The following ZFHX3 variants were observed in gnomAD, a reference collection of about 807,000 sequenced individuals.
ZFHX3 encodes the protein zinc finger homeobox 3.
ZFHX3 carries 42 observed loss-of-function variants against 279.1 expected under a neutral mutation model. The ratio of observed to expected loss-of-function variants is 0.15; its 90% CI spans 0.12 to 0.19. The LOEUF (loss-of-function observed/expected upper bound fraction) is 0.19. Among genes scored for constraint, ZFHX3 ranks in the 10% least tolerant of loss-of-function variants. The pLI, the probability that ZFHX3 is intolerant of heterozygous loss-of-function variation, is 1.00. For missense variants in ZFHX3, 4,981 were observed against 4,754.0 expected (o/e 1.05, Z -1.40); for synonymous variants, 2,293 against 1,957.8 (o/e 1.17, Z -4.52).
chr16:73,754,663 C>T (rs1415074988), intron 1 of ZFHX3, among the ~76,000 whole-genome samples: 1 of 152,180 alleles, frequency 6.6e-6, no homozygotes, highest in Non-Finnish European at 1.5e-5. Context: ...CAGACCTTTA[C>T]TTCCGACTAG....
chr16:73,527,683 C>A (rs923964817), intron 2 of ZFHX3, among the ~76,000 whole-genome samples: 5 of 152,226 alleles, frequency 3.3e-5, no homozygotes, highest in Admixed American at 2.6e-4. Flanking sequence ...AGGGCCCTCA[C>A]TCTGGAGGAA....
At chr16:73,229,268 C>T (rs925192070) in intron 5 of ZFHX3, among the ~76,000 whole-genome samples, 3 of 152,128 alleles carry the variant, frequency 2.0e-5, no homozygotes, top group Non-Finnish European at 4.4e-5. Flanking sequence ...GAATCTTTCC[C>T]CAACCCAGTG....
chr16:73,197,540 C>T (rs1014135070), intron 5 of ZFHX3, among the ~76,000 whole-genome samples: 1 of 152,168 alleles, frequency 6.6e-6, no homozygotes, highest in Non-Finnish European at 1.5e-5. Flanking sequence ...GTCAACTAAG[C>T]GGATAATTCA....
intron 3 of ZFHX3, chr16:73,420,238 A>G (rs917871271): frequency 6.6e-6 from 1 of 152,192 alleles, no homozygotes; most frequent in African/African-American, 2.4e-5. Context: ...GAGGTAATAA[A>G]TATTTTTAAA....
chr16:73,488,414 C>T (rs932211955), intron 2 of ZFHX3, among the ~76,000 whole-genome samples: 13 of 152,258 alleles, frequency 8.5e-5, no homozygotes, highest in African/African-American at 3.1e-4. Context: ...ATAGCAGAGC[C>T]CACATCAGCA....
intron 1 of ZFHX3, among the ~76,000 whole-genome samples, chr16:73,889,908 C>G (rs1051706515): frequency 6.6e-6 from 1 of 152,108 alleles, no homozygotes; most frequent in Non-Finnish European, 1.5e-5. Flanking sequence ...ATTTAAAGTC[C>G]TTAACAATAA....
chr16:73,194,723 C>T (rs949241253), intron 5 of ZFHX3, among the ~76,000 whole-genome samples: 23 of 152,196 alleles, frequency 1.5e-4, no homozygotes, highest in African/African-American at 5.1e-4. Context: ...TGTCCACACC[C>T]AATTCACACT....
intron 3 of ZFHX3, among the ~76,000 whole-genome samples, chr16:73,350,069 C>T (rs1364970019): frequency 6.7e-6 from 1 of 149,930 alleles, no homozygotes; most frequent in Admixed American, 6.6e-5. Context: ...TCACCTTTCT[C>T]CACACAGAGA....
intron 3 of ZFHX3, among the ~76,000 whole-genome samples, chr16:73,450,242 T>C (rs2143557243): frequency 6.6e-6 from 1 of 152,340 alleles, no homozygotes; most frequent in East Asian, 1.9e-4. Context: ...TCATAATCCC[T>C]TTTTAAAAAT....
At chr16:73,591,423 G>A (rs1028175568) in intron 2 of ZFHX3, among the ~76,000 whole-genome samples, 1 of 151,812 alleles carries the variant, frequency 6.6e-6, no homozygotes, top group Non-Finnish European at 1.5e-5. Flanking sequence ...GCCGGGTGCG[G>A]TGGCTCATGC....
chr16:73,769,442 A>G (rs2053991989), intron 1 of ZFHX3, among the ~76,000 whole-genome samples: 1 of 152,192 alleles, frequency 6.6e-6, no homozygotes, highest in Non-Finnish European at 1.5e-5. Flanking sequence ...AATGTACAGT[A>G]TATTACACAA....
At chr16:73,598,060 A>G (rs1476175446) in intron 2 of ZFHX3, among the ~76,000 whole-genome samples, 2 of 152,196 alleles carry the variant, frequency 1.3e-5, no homozygotes, top group African/African-American at 4.8e-5. Flanking sequence ...ATGTGATTCA[A>G]TATGAGGGAG....
intron 1 of ZFHX3, among the ~76,000 whole-genome samples, chr16:73,753,986 A>ATGTGTGTGTGTGTGTGTGTG (rs1310925312): frequency 0.053 from 7,827 of 147,326 alleles, 586 homozygotes; most frequent in African/African-American, 0.16. Context: ...GTAAGAATCA[A>ATGTGTGTGTGTGTGTGTGTG]TGTGTGTGTG....
chr16:73,130,690 C>T (rs1434187164), intron 7 of ZFHX3, among the ~76,000 whole-genome samples: 1 of 152,242 alleles, frequency 6.6e-6, no homozygotes, highest in Non-Finnish European at 1.5e-5. Flanking sequence ...TCACGGCAAC[C>T]TCCGCTGCCC....
chr16:73,857,057 G>A (rs993295377), intron 1 of ZFHX3, among the ~76,000 whole-genome samples: 1 of 152,214 alleles, frequency 6.6e-6, no homozygotes, highest in African/African-American at 2.4e-5. Context: ...CTCAGGAAGA[G>A]CCTTTCCTAC....
intron 3 of ZFHX3, among the ~76,000 whole-genome samples, chr16:72,918,549 G>A (rs1480501056): frequency 1.3e-5 from 2 of 152,116 alleles, no homozygotes; most frequent in Non-Finnish European, 2.9e-5. Flanking sequence ...CAGGACAAAA[G>A]TATCTCTACC....
chr16:73,174,912 C>A (rs1227841806), intron 5 of ZFHX3, among the ~76,000 whole-genome samples: 1 of 147,896 alleles, frequency 6.8e-6, no homozygotes, highest in East Asian at 2.0e-4. Context: ...CACATGCTTG[C>A]AATCCCAGCT....
At chr16:73,779,342 T>C (rs984130292) in intron 1 of ZFHX3, among the ~76,000 whole-genome samples, 3 of 152,152 alleles carry the variant, frequency 2.0e-5, no homozygotes, top group Non-Finnish European at 4.4e-5. Context: ...AATTTTTAAG[T>C]TAGTGATGAA....
chr16:72,843,569 T>TGTCTAAA (rs1339269030), intron 4 of ZFHX3, among the ~76,000 whole-genome samples: 1 of 101,580 alleles, frequency 9.8e-6, no homozygotes, highest in Non-Finnish European at 2.0e-5. Flanking sequence ...TGAAGGAGGG[T>TGTCTAAA]GTCTAAAGGA....
Sources: gnomAD v4.1 joint callset for allele counts (sites outside exome capture counted in the v4.1 genomes callset) on GRCh38, gnomAD v4.1.1 for gene constraint, MANE v1.5 for transcripts, NCBI Gene and HGNC (gene_info 2026-07-23, HGNC 2026-07-21) for gene names.